FYB2: variants seen among roughly 807,000 people sequenced by gnomAD.
FYB2 encodes the protein FYN-binding protein 2.
FYB2 carries 103 observed loss-of-function variants against 94.1 expected under a neutral mutation model. The ratio of observed to expected loss-of-function variants is 1.09; its 90% CI spans 0.93 to 1.29. The LOEUF (loss-of-function observed/expected upper bound fraction) is 1.29. Ranked by LOEUF, FYB2 falls within the 50% of genes most tolerant of loss-of-function variation. The probability of loss-of-function intolerance (pLI) is 0.00; values close to 1 mark genes in which losing one functional copy is unlikely to be tolerated. For synonymous variants in FYB2, 293 were observed against 287.9 expected (o/e 1.02, Z -0.18); for missense variants, 896 against 841.5 (o/e 1.06, Z -0.80).
chr1:56,784,975 T>C (rs1646099926), intron 4 of FYB2, among the ~76,000 whole-genome samples: 1 of 152,204 alleles, frequency 6.6e-6, no homozygotes, highest in African/African-American at 2.4e-5. Context: ...CTGGCCCCTC[T>C]TTATCTCTTT....
chr1:56,768,032 T>C, intron 4 of FYB2, 94 bp from the exon 5 acceptor site: 1 of 933,930 alleles, frequency 1.1e-6, no homozygotes, highest in Admixed American at 2.6e-5. Context: ...ATAATATGTG[T>C]GTCTGGCCAA....
At chr1:56,824,476 T>C (rs1398969702), upstream of FYB2, 2 of 152,186 alleles carry the variant, frequency 1.3e-5, no homozygotes, top group African/African-American at 4.8e-5. Context: ...TTATGACTCA[T>C]AATTTAGGTA....
upstream of FYB2, chr1:56,819,627 C>G (rs1646965629): frequency 2.1e-6 from 1 of 476,076 alleles, no homozygotes; most frequent in Non-Finnish European, 3.8e-6. Flanking sequence ...CAGTCACTCA[C>G]TCTCCAGGGC....
intron 15 of FYB2, among the ~76,000 whole-genome samples, chr1:56,733,445 T>C (rs1298557797): frequency 1.3e-5 from 2 of 152,190 alleles, no homozygotes; most frequent in African/African-American, 4.8e-5. Context: ...AGTTCTGTTC[T>C]GATCTTAGTT....
chr1:56,758,886 T>G, intron 5 of FYB2, 136 bp from the exon 6 acceptor site: 94 of 552,158 alleles, frequency 1.7e-4, no homozygotes, highest in East Asian at 3.7e-4. Flanking sequence ...TGTAAAGCTC[T>G]ATCTAGAAAG....
At chr1:56,806,663 C>A (rs765353567) in intron 1 of FYB2, among the ~76,000 whole-genome samples, 11 of 152,020 alleles carry the variant, frequency 7.2e-5, no homozygotes, top group Non-Finnish European at 1.0e-4. Context: ...TATAGAGAAC[C>A]CCCAAAGCAA....
intron 17 of FYB2, among the ~76,000 whole-genome samples, chr1:56,722,598 G>A (rs554385210): frequency 4.6e-5 from 7 of 152,146 alleles, no homozygotes; most frequent in Admixed American, 2.0e-4. Flanking sequence ...CAGAGAGTTG[G>A]AATAGACCAA....
chr1:56,743,643 C>G (rs1645005865), intron 11 of FYB2, among the ~76,000 whole-genome samples: 1 of 151,912 alleles, frequency 6.6e-6, no homozygotes, highest in African/African-American at 2.4e-5. Flanking sequence ...GATGAGGCTC[C>G]AGAGGTCTGT....
rs1224987615 is a variant in FYB2, at chr1:56,719,696, T to C, written c.2166-4A>G. 1 of 1,595,772 alleles carries C rather than the reference T, an allele frequency of 6.3e-7. No individual in the cohort carries two copies. Among genetic ancestry groups the C allele is most frequent in the Admixed American group, 1.7e-5 (1 of 59,614 alleles). ...CTAAGGTGACCAACTTTGATGCCTG[T>C]GAAAAAATAAAAATATGCAAACATT... On this transcript the variant is annotated splice_polypyrimidine_tract_variant and splice_region_variant and intron_variant, in intron 19 of 19. Transcript: ENST00000343433.
intron 1 of FYB2, among the ~76,000 whole-genome samples, chr1:56,815,383 C>T (rs999345491): frequency 2.6e-5 from 4 of 152,170 alleles, no homozygotes; most frequent in Non-Finnish European, 5.9e-5. Context: ...GTGCCTTCCT[C>T]CATCAATCTA....
intron 15 of FYB2, among the ~76,000 whole-genome samples, chr1:56,735,444 T>C (rs1175607564): frequency 1.3e-5 from 2 of 152,108 alleles, no homozygotes; most frequent in Non-Finnish European, 2.9e-5. Context: ...GAACAGAGGA[T>C]GCTAAAGGCT....
intron 1 of FYB2, among the ~76,000 whole-genome samples, chr1:56,812,867 G>T (rs1367884724): frequency 6.6e-6 from 1 of 152,216 alleles, no homozygotes; most frequent in African/African-American, 2.4e-5. Context: ...TTTATTTGCT[G>T]ATACGGTTCA....
At chr1:56,750,226 T>C (rs1171242219) in intron 9 of FYB2, among the ~76,000 whole-genome samples, 1 of 152,096 alleles carries the variant, frequency 6.6e-6, no homozygotes, top group Non-Finnish European at 1.5e-5. Context: ...TTACTTAATA[T>C]ATGATCCAGA....
At chr1:56,758,771 T>A (rs917330572) in intron 5 of FYB2, 21 bp from the exon 6 acceptor site, 10 of 1,581,376 alleles carry the variant, frequency 6.3e-6, no homozygotes, top group Non-Finnish European at 8.6e-6. Flanking sequence ...CATAAAAAAA[T>A]TATTTCAAGG....
intron 1 of FYB2, among the ~76,000 whole-genome samples, chr1:56,814,782 A>C (rs1283211671): frequency 1.3e-5 from 2 of 152,186 alleles, no homozygotes; most frequent in Non-Finnish European, 2.9e-5. Flanking sequence ...CAGCAGGTCC[A>C]CTTGTGTAGA....
intron 4 of FYB2, among the ~76,000 whole-genome samples, chr1:56,773,185 A>G (rs1645799979): frequency 6.6e-6 from 1 of 152,166 alleles, no homozygotes. Context: ...CTCTCTAGCT[A>G]AAGCATGGAC....
Position 56,807,727 on chromosome 1 carries a change from G to C in FYB2, c.9+11555C>G, listed in dbSNP as rs151157497. On this transcript the variant is annotated intron_variant, in intron 1 of 19. Transcript: ENST00000343433. The stretch of plus-strand genomic sequence containing the variant: ...TAAGCGTTGGAATTCCCGTTTTATA[G>C]ATAAAGAAACTGAGGCTTGGAGAGA... Among the ~76,000 whole-genome samples the C allele has an allele frequency of 2.6e-5, 4 of 152,288 alleles. No individual in the cohort carries two copies. In the East Asian group the frequency reaches 7.7e-4, roughly 29 times the overall value.
intron 4 of FYB2, among the ~76,000 whole-genome samples, chr1:56,769,088 G>T (rs1419440569): frequency 6.6e-6 from 1 of 151,958 alleles, no homozygotes; most frequent in African/African-American, 2.4e-5. Context: ...ACCCAGGCTG[G>T]AGTACAGTGG....
At chr1:56,787,649 A>G (rs1439613702) in intron 3 of FYB2, among the ~76,000 whole-genome samples, 1 of 152,182 alleles carries the variant, frequency 6.6e-6, no homozygotes, top group East Asian at 1.9e-4. Context: ...TAATCCTAAG[A>G]GATCAGTGGT....
Sources: allele counts gnomAD v4.1 joint callset (sites outside exome capture counted in the v4.1 genomes callset), GRCh38; gene constraint gnomAD v4.1.1; transcripts MANE v1.5; gene names NCBI Gene and HGNC (gene_info 2026-07-23, HGNC 2026-07-21).